The following NBPF9 variants were observed in gnomAD, a reference collection of about 807,000 sequenced individuals.
NBPF9 encodes the protein NBPF member 9.
A neutral mutation model predicts 97.8 loss-of-function variants in NBPF9; 91 were observed. The observed-to-expected ratio is 0.93, with a 90% confidence interval of 0.79 to 1.11. The LOEUF is 1.11. NBPF9 is among the 50% of genes least tolerant of loss of function. The probability of loss-of-function intolerance (pLI) is 0.00; values close to 1 mark genes in which losing one functional copy is unlikely to be tolerated. For missense variants in NBPF9, 992 were observed against 939.5 expected, an observed-to-expected ratio of 1.06 and a Z score of -0.73; for synonymous variants, 334 against 359.5, an observed-to-expected ratio of 0.93 and a Z score of 0.80.
At chr1:149,056,318 G>C (rs1424152357) in intron 29 of NBPF9, among the ~76,000 whole-genome samples, 194 bp downstream of exon 29, 1 of 119,750 alleles carries the variant, frequency 8.4e-6, no homozygotes, top group Non-Finnish European at 1.7e-5. Flanking sequence ...GTCAACCTAT[G>C]GTACGTTAGG....
chr1:149,080,430 C>T (rs1223809027), intron 7 of NBPF9, among the ~76,000 whole-genome samples: 1 of 151,024 alleles, frequency 6.6e-6, no homozygotes, highest in Non-Finnish European at 1.5e-5. Context: ...ACTCACAGCC[C>T]CTGAGGTCTG....
intron 5 of NBPF9, among the ~76,000 whole-genome samples, chr1:149,087,794 T>G (rs878976433): frequency 2.7e-5 from 4 of 150,336 alleles, no homozygotes; most frequent in Non-Finnish European, 4.4e-5. Flanking sequence ...GTAGTTTTTG[T>G]TGTACTGGCC....
intron 5 of NBPF9, among the ~76,000 whole-genome samples, chr1:149,084,928 C>T (rs1202514308): frequency 6.6e-6 from 1 of 151,568 alleles, no homozygotes; most frequent in African/African-American, 2.4e-5. Flanking sequence ...AGACGCTAGG[C>T]CTGCTGATGG....
chr1:149,058,798 A>G (rs1246986633), intron 26 of NBPF9, 127 bp downstream of exon 26: 5 of 681,220 alleles, frequency 7.3e-6, no homozygotes, highest in Non-Finnish European at 1.3e-5. Flanking sequence ...TACAACCTAT[A>G]TGCGCCCATA....
chr1:149,055,601 C>A (rs1043480), exon 30 of NBPF9: 10 of 1,593,220 alleles, frequency 6.3e-6, no homozygotes, highest in Admixed American at 1.8e-5. Flanking sequence ...CAAAACTTCA[C>A]GTGCCTATAG....
Position 149,071,148 on chromosome 1 carries a change from C to A in NBPF9, c.1380-9G>T. The A allele has an allele frequency of 1.3e-6, 2 of 1,490,634 alleles. No homozygotes were observed. The highest frequency in any genetic ancestry group is 1.9e-6 in the Non-Finnish European group (2 of 1,071,426). The allele number at this position is 1,490,634 out of a possible 1,614,324, so 92.3% of individuals were successfully genotyped here. ...CAGCCTTCTGCATCTCCCTGATGAG[C>A]CAGGTGGGACAGAGATGACAGAAGA... is the stretch of plus-strand genomic sequence containing the variant. On this transcript the variant is annotated splice_polypyrimidine_tract_variant and intron_variant, in intron 15 of 29. Transcript: ENST00000584027.
intron 8 of NBPF9, among the ~76,000 whole-genome samples, chr1:149,079,645 G>C (rs1410175525): frequency 1.3e-5 from 2 of 150,584 alleles, no homozygotes; most frequent in African/African-American, 2.4e-5. Flanking sequence ...AAGAAGAAAA[G>C]AATGACAGGG....
chr1:149,099,356 T>C (rs1464648100), intron 3 of NBPF9, among the ~76,000 whole-genome samples: 1 of 152,250 alleles, frequency 6.6e-6, no homozygotes, highest in African/African-American at 2.4e-5. Flanking sequence ...TTATGTCAGG[T>C]TGACTGTGAC....
At position 149,055,725 on chromosome 1, in the gene NBPF9, A is replaced by G. The variant is rs782356561; in HGVS notation, c.3267T>C (p.Asn1089=). 10 of 1,611,868 alleles carry G rather than the reference A, an allele frequency of 6.2e-6. No individual in the cohort carries two copies. The East Asian group carries it at 6.7e-5, about 11-fold the overall frequency. The stretch of plus-strand genomic sequence containing the variant: ...TTGTCACCGTCAAAGTAAAAAACCT[A>G]TTGTCCACGTAAAGGGCGAAGCTGA... Residue 1089 remains asparagine (N), a synonymous_variant, in exon 30 of 30, where the codon AAT becomes AAC. Transcript: ENST00000584027.
At chr1:149,061,000 G>T in intron 23 of NBPF9, 1 of 417,330 alleles carries the variant, frequency 2.4e-6, no homozygotes, top group East Asian at 3.1e-5. Flanking sequence ...AGGACACTCT[G>T]AGTTAGTGCC....
intron 14 of NBPF9, among the ~76,000 whole-genome samples, chr1:149,072,337 G>C (rs1458574810): frequency 2.0e-5 from 3 of 152,296 alleles, no homozygotes; most frequent in East Asian, 1.9e-4. Flanking sequence ...GGAAGGACAA[G>C]TCATTCACTC....
chr1:149,074,649 C>G (rs1436318048), intron 12 of NBPF9, among the ~76,000 whole-genome samples: 3 of 151,220 alleles, frequency 2.0e-5, no homozygotes, highest in African/African-American at 4.8e-5. Context: ...GCCCAGGAGA[C>G]AGGCCCACGG....
intron 12 of NBPF9, 30 bp downstream of exon 12, chr1:149,075,625 C>A (rs782335664): frequency 6.2e-7 from 1 of 1,600,702 alleles, no homozygotes; most frequent in African/African-American, 1.3e-5. Context: ...TCGTTCATCA[C>A]TTTCGTGATG....
intron 19 of NBPF9, among the ~76,000 whole-genome samples, chr1:149,064,017 G>GACACACAC (rs72022450): frequency 1.1e-4 from 11 of 101,748 alleles, no homozygotes; most frequent in African/African-American, 2.3e-4. Flanking sequence ...CACAGACACA[G>GACACACAC]ACACACACAC....
intron 5 of NBPF9, among the ~76,000 whole-genome samples, chr1:149,088,175 TAAATG>T (rs1273448590): frequency 4.4e-3 from 675 of 151,952 alleles, no homozygotes; most frequent in African/African-American, 0.015. Context: ...GATGTTACTT[TAAATG>T]AAATTGTATT....
chr1:149,078,599 GGA>G (rs1420739350), intron 9 of NBPF9, among the ~76,000 whole-genome samples: 4 of 130,980 alleles, frequency 3.1e-5, no homozygotes, highest in Non-Finnish European at 4.9e-5. Context: ...CTTTGCAGAT[GGA>G]GAGAGAGAAA....
chr1:149,098,952 C>A (rs1484779105), intron 3 of NBPF9, among the ~76,000 whole-genome samples: 3 of 139,646 alleles, frequency 2.1e-5, no homozygotes, highest in Non-Finnish European at 4.6e-5. Context: ...TGGTGGCACA[C>A]ACTTGTAGTC....
At chr1:149,076,628 G>C (rs1185817509) in intron 11 of NBPF9, among the ~76,000 whole-genome samples, 2 of 149,506 alleles carry the variant, frequency 1.3e-5, no homozygotes, top group Non-Finnish European at 3.0e-5. Flanking sequence ...TCAGCCTCCT[G>C]AGTAGCTGGG....
chr1:149,056,719 A>G, intron 28 of NBPF9, 99 bp from the exon 29 acceptor site: 1 of 18,712 alleles, frequency 5.3e-5, no homozygotes, highest in South Asian at 3.4e-4. Context: ...CAGGCTCCTC[A>G]GCATAAGAAT....
Sources: allele counts gnomAD v4.1 joint callset (sites outside exome capture counted in the v4.1 genomes callset), GRCh38; gene constraint gnomAD v4.1.1; transcripts MANE v1.5; gene names NCBI Gene and HGNC (gene_info 2026-07-23, HGNC 2026-07-21).